The following MIX23 variants were observed in gnomAD, a reference collection of about 807,000 sequenced individuals.
MIX23 encodes the protein protein MIX23.
MIX23 carries 13 observed loss-of-function variants against 21.6 expected under a neutral mutation model. The observed-to-expected ratio is 0.60, with a 90% confidence interval of 0.39 to 0.96. The LOEUF (loss-of-function observed/expected upper bound fraction) is 0.96. Among genes scored for constraint, MIX23 ranks in the 40% least tolerant of loss-of-function variants. MIX23 has a pLI of 0.00. For synonymous variants in MIX23, 59 were observed against 58.0 expected (o/e 1.02, Z -0.08); for missense variants, 144 against 171.2 (o/e 0.84, Z 0.89).
intron 1 of MIX23, among the ~76,000 whole-genome samples, chr3:122,375,525 G>A (rs575194094): frequency 6.6e-6 from 1 of 152,292 alleles, no homozygotes; most frequent in East Asian, 1.9e-4. Context: ...CAAAATGATC[G>A]GATTAGGGTG....
At chr3:122,381,321 A>G (rs1051557889) in intron 1 of MIX23, among the ~76,000 whole-genome samples, 1 of 152,156 alleles carries the variant, frequency 6.6e-6, no homozygotes, top group Admixed American at 6.5e-5. Flanking sequence ...ATGAATCCCT[A>G]ATCCCCAACA....
At chr3:122,375,393 T>G (rs2075477216) in intron 1 of MIX23, among the ~76,000 whole-genome samples, 1 of 152,242 alleles carries the variant, frequency 6.6e-6, no homozygotes, top group South Asian at 2.1e-4. Context: ...TGACTCAGGC[T>G]ATCTGGTGAT....
intron 2 of MIX23, among the ~76,000 whole-genome samples, chr3:122,369,274 G>A (rs1337249519): frequency 1.3e-5 from 2 of 152,184 alleles, no homozygotes; most frequent in Non-Finnish European, 2.9e-5. Flanking sequence ...GTTTTACCTT[G>A]AGTATACTTT....
At chr3:122,377,299 C>G (rs552345274) in intron 1 of MIX23, among the ~76,000 whole-genome samples, 1 of 152,260 alleles carries the variant, frequency 6.6e-6, no homozygotes, top group South Asian at 2.1e-4. Flanking sequence ...TATTAGATAT[C>G]TGAGTAGAAG....
intron 2 of MIX23, among the ~76,000 whole-genome samples, chr3:122,369,976 C>T (rs1464719957): frequency 1.3e-5 from 2 of 152,146 alleles, no homozygotes; most frequent in South Asian, 2.1e-4. Context: ...TCTTGAACTC[C>T]TGGACTCAAG....
chr3:122,373,194 A>T (rs1049341453), intron 1 of MIX23, among the ~76,000 whole-genome samples: 2 of 152,044 alleles, frequency 1.3e-5, no homozygotes, highest in African/African-American at 2.4e-5. Context: ...TATACAACTG[A>T]GGTACTATGT....
At chr3:122,368,349 A>C (rs2075413150) in intron 2 of MIX23, 27 bp from the exon 3 acceptor site, 1 of 1,537,954 alleles carries the variant, frequency 6.5e-7, no homozygotes, top group Non-Finnish European at 8.7e-7. Flanking sequence ...ATGAAAGGAG[A>C]AAAAAAAACT....
intron 1 of MIX23, among the ~76,000 whole-genome samples, chr3:122,380,967 C>T (rs1213910552): frequency 6.6e-6 from 1 of 152,192 alleles, no homozygotes. Context: ...ACGTGACACA[C>T]AAGGCTTTCC....
chr3:122,383,145 T>G (rs757162253), intron 1 of MIX23, 29 bp downstream of exon 1: 1 of 1,613,700 alleles, frequency 6.2e-7, no homozygotes. Flanking sequence ...AGGAGGCACA[T>G]GCCTGCCACA....
chr3:122,359,771 T>C lies in MIX23; in HGVS notation c.*98A>G. On this transcript the variant is annotated 3_prime_UTR_variant, in exon 5 of 5. Transcript: ENST00000291458. The stretch of plus-strand genomic sequence containing the variant: ...TGGACTGTTGGCTCAGAAATCATCC[T>C]AGAAAGCCCGCCCTGTTGATATCTG... 3 of 1,247,044 alleles carry C rather than the reference T, an allele frequency of 2.4e-6. No homozygotes were observed. In the South Asian group the frequency reaches 5.4e-5, roughly 22 times the overall value. 77.2% of individuals were successfully genotyped at this position (1,247,044 alleles called of 1,614,324 possible).
At chr3:122,376,302 T>C (rs1473094447) in intron 1 of MIX23, among the ~76,000 whole-genome samples, 2 of 151,042 alleles carry the variant, frequency 1.3e-5, no homozygotes, top group African/African-American at 2.4e-5. Context: ...CACATATATA[T>C]AGAATACCAT....
chr3:122,376,928 T>TA (rs2075492042), intron 1 of MIX23, among the ~76,000 whole-genome samples: 1 of 152,032 alleles, frequency 6.6e-6, no homozygotes, highest in African/African-American at 2.4e-5. Context: ...CTCACACCTG[T>TA]AATCCCAGCA....
intron 1 of MIX23, among the ~76,000 whole-genome samples, chr3:122,379,476 T>C (rs541760204): frequency 6.6e-6 from 1 of 152,310 alleles, no homozygotes; most frequent in African/African-American, 2.4e-5. Flanking sequence ...AAGTTCGGGC[T>C]GCCCTCACAC....
chr3:122,363,125 C>A (rs1178630218), intron 3 of MIX23, 98 bp from the exon 4 acceptor site: 1 of 903,262 alleles, frequency 1.1e-6, no homozygotes, highest in Non-Finnish European at 1.7e-6. Flanking sequence ...CTCATGTTTA[C>A]CCAACAAAAC....
intron 1 of MIX23, among the ~76,000 whole-genome samples, chr3:122,382,429 G>A (rs1033352634): frequency 1.3e-5 from 2 of 152,180 alleles, no homozygotes; most frequent in Non-Finnish European, 2.9e-5. Flanking sequence ...CTACAGATAG[G>A]TCAATTTTTC....
intron 2 of MIX23, 66 bp downstream of exon 2, chr3:122,371,609 C>T (rs763087698): frequency 1.1e-4 from 164 of 1,552,202 alleles, no homozygotes; most frequent in Non-Finnish European, 1.4e-4. Flanking sequence ...TACAAGATAA[C>T]TGATTTCTTA....
Position 122,383,183 on chromosome 3 carries a change from G to C in MIX23, c.42C>G (p.Ala14=), listed in dbSNP as rs776886799. ...AGGAAAACCCCATCACCTGGAACTC[G>C]GCGAACTCCTCACAGTTCACACCGC... ...PSGGVNCEEF[A]EFQELLKVMR... The change falls in exon 1 of 5, where the codon GCC becomes GCG. Residue 14 remains alanine, a synonymous_variant. Coordinates refer to ENST00000291458, the MANE Select transcript of MIX23 (RefSeq NM_001017928.4). The C allele has an allele frequency of 6.2e-6, 10 of 1,613,646 alleles. No individual in the cohort carries two copies. The South Asian group carries it at 9.9e-5, about 16-fold the overall frequency.
At chr3:122,369,956 C>T (rs553355778) in intron 2 of MIX23, among the ~76,000 whole-genome samples, 72 of 152,184 alleles carry the variant, frequency 4.7e-4, no homozygotes, top group Middle Eastern at 3.4e-3. Flanking sequence ...CGCCATGTCA[C>T]CCAGGCTTGT....
rs564825283 is a variant in MIX23 at position 122,382,520 on chromosome 3, C to T, written c.51+654G>A. Among the ~76,000 whole-genome samples, 3 of 152,316 alleles carry T rather than the reference C, an allele frequency of 2.0e-5. No homozygotes were observed. In the South Asian group the frequency reaches 6.2e-4, roughly 32 times the overall value. ...TCAACTTTGTAACTAAACAGAAGCA[C>T]ATTTATGACTGAATTGGAACAGATA... On this transcript the variant is annotated intron_variant, in intron 1 of 4. Coordinates refer to ENST00000291458, the MANE Select transcript of MIX23 (RefSeq NM_001017928.4).
Sources: gnomAD v4.1 joint callset for allele counts (sites outside exome capture counted in the v4.1 genomes callset) on GRCh38, gnomAD v4.1.1 for gene constraint, MANE v1.5 for transcripts, NCBI Gene and HGNC (gene_info 2026-07-23, HGNC 2026-07-21) for gene names.